SRSF3: variants seen among roughly 807,000 people sequenced by gnomAD.
SRSF3 encodes serine/arginine-rich splicing factor 3.
For synonymous variants in SRSF3, 87 were observed against 73.6 expected, an observed-to-expected ratio of 1.18 and a Z score of -0.93; for missense variants, 58 against 217.1, an observed-to-expected ratio of 0.27 and a Z score of 4.61.
chr6:36,603,366 T>C lies in SRSF3; in HGVS notation c.*1377T>C, dbSNP rs1278406131. 1 of 224,596 alleles carries C rather than the reference T, an allele frequency of 4.5e-6. No individual in the cohort carries two copies. Among genetic ancestry groups the C allele is most frequent in the Non-Finnish European group, 8.9e-6 (1 of 112,440 alleles). The allele number at this position is 224,596 out of a possible 1,614,324, so 13.9% of individuals were successfully genotyped here. A position where few individuals can be genotyped will look rare whatever the true frequency, so the allele number is the denominator to read the frequency against. On this transcript the variant is annotated 3_prime_UTR_variant, in exon 6 of 6. Transcript: ENST00000373715. Reference sequence around the variant, plus strand: ...TATGGAGGCATGCATAACCTTCCTCTTAGAAAATGGCAGGTGTTGTAATTT... The same window carrying C: ...TATGGAGGCATGCATAACCTTCCTCCTAGAAAATGGCAGGTGTTGTAATTT...
At chr6:36,594,977 T>G (rs1303995361) in intron 1 of SRSF3, among the ~76,000 whole-genome samples, 4 of 152,206 alleles carry the variant, frequency 2.6e-5, no homozygotes, top group African/African-American at 7.2e-5. Flanking sequence ...GAACTTAAGA[T>G]TCGTTCTTTC....
At chr6:36,596,571 T>TGGGG (rs1562011746) in intron 1 of SRSF3, among the ~76,000 whole-genome samples, 190 bp from the exon 2 acceptor site, 4 of 13,782 alleles carry the variant, frequency 2.9e-4, no homozygotes, top group African/African-American at 6.8e-4. Context: ...TGGGGCGGGG[T>TGGGG]GGCGGGGGGG....
chr6:36,601,900 A>G (rs1778722222), intron 5 of SRSF3, 62 bp from the exon 6 acceptor site: 1 of 1,587,932 alleles, frequency 6.3e-7, no homozygotes, highest in South Asian at 1.2e-5. Context: ...TCGATATGTC[A>G]CTAAAGTGTC....
At position 36,602,944 on chromosome 6, in the gene SRSF3, T is replaced by TA. The variant is rs1402914009; in HGVS notation, c.*956dup. On this transcript the variant is annotated 3_prime_UTR_variant, in exon 6 of 6. Coordinates refer to ENST00000373715, the MANE Select transcript of SRSF3 (RefSeq NM_003017.5). ...GTGTATAGTCAGTTGAACCCACTGT[T>TA]ACCATTGTTCTTATCCCATGGGAAG... 4.6e-6 allele frequency: 1 copy of TA among 216,056 alleles called. No individual in the cohort carries two copies. The highest frequency in any genetic ancestry group is 7.0e-5 in the East Asian group (1 of 14,374). 13.4% of individuals were successfully genotyped at this position (216,056 alleles called of 1,614,324 possible). A position where few individuals can be genotyped will look rare whatever the true frequency, so the allele number is the denominator to read the frequency against.
Position 36,603,654 on chromosome 6 carries a change from GAC to G in SRSF3, c.*1668_*1669del, listed in dbSNP as rs1778756938. On this transcript the variant is annotated 3_prime_UTR_variant, in exon 6 of 6. Transcript: ENST00000373715. The stretch of plus-strand genomic sequence containing the variant: ...CTTAAAGTTAAGCATGTTCAAGAAA[GAC>G]ACTTTTCAGACAGCCTGTTTATTTA... 8 of 230,362 alleles carry G rather than the reference GAC, an allele frequency of 3.5e-5. No homozygotes were observed. In the South Asian group the frequency reaches 1.4e-3, roughly 42 times the overall value. 14.3% of individuals were successfully genotyped at this position (230,362 alleles called of 1,614,324 possible).
rs1176438153 is a variant in SRSF3, at chr6:36,604,917, T to G, written c.*2928T>G. 1 of 152,204 alleles carries G rather than the reference T, an allele frequency of 6.6e-6. No homozygotes were observed. The highest frequency in any genetic ancestry group is 1.5e-5 in the Non-Finnish European group (1 of 68,040). 9.4% of individuals were successfully genotyped at this position (152,204 alleles called of 1,614,324 possible). ...TTTTTTTCAGAGTTCTGAATGAGAT[T>G]TAGTTGTCATACCTAGTTGGTGGTA... On this transcript the variant is annotated 3_prime_UTR_variant, in exon 6 of 6. Coordinates refer to ENST00000373715, the MANE Select transcript of SRSF3 (RefSeq NM_003017.5).
chr6:36,595,785 A>T (rs1416455343), intron 1 of SRSF3, among the ~76,000 whole-genome samples: 1 of 152,190 alleles, frequency 6.6e-6, no homozygotes, highest in Admixed American at 6.6e-5. Flanking sequence ...ATGAGTTTAC[A>T]TTTTTTAAAA....
At position 36,601,197 on chromosome 6, in the gene SRSF3, GA is replaced by G. The variant is rs779068804; in HGVS notation, c.380+8del. The G allele has an allele frequency of 6.2e-7, 1 of 1,613,274 alleles. No individual in the cohort carries two copies. The highest frequency in any genetic ancestry group is 8.5e-7 in the Non-Finnish European group (1 of 1,179,810). ...TCTCTCGCAGCCGGAGCAGGTAAAT[GA>G]CTACCTTTTTTGGCTACGTTCTTAG... On this transcript the variant is annotated splice_region_variant and intron_variant, in intron 4 of 5. Transcript: ENST00000373715.
intron 3 of SRSF3, 145 bp from the exon 4 acceptor site, chr6:36,601,001 CTTTTTT>C (rs775227806): frequency 6.5e-4 from 56 of 86,462 alleles, no homozygotes; most frequent in East Asian, 1.7e-3. Flanking sequence ...TCTTTTTTTT[CTTTTTT>C]TTTTTTTTTT....
Position 36,604,948 on chromosome 6 carries a change from T to G in SRSF3, c.*2959T>G, listed in dbSNP as rs1261387218. On this transcript the variant is annotated 3_prime_UTR_variant, in exon 6 of 6. Transcript: ENST00000373715. ...GTCATACCTAGTTGGTGGTAATTTCTTAGTTGTATATTTTTGTACTACCAG... is the reference window on the plus strand; with the variant it reads ...GTCATACCTAGTTGGTGGTAATTTCGTAGTTGTATATTTTTGTACTACCAG... 1.3e-5 allele frequency: 2 copies of G among 152,240 alleles called. No individual in the cohort carries two copies. The highest frequency in any genetic ancestry group is 2.4e-5 in the African/African-American group (1 of 41,460). The allele number at this position is 152,240 out of a possible 1,614,324, so 9.4% of individuals were successfully genotyped here. A position where few individuals can be genotyped will look rare whatever the true frequency, so the allele number is the denominator to read the frequency against.
chr6:36,595,239 A>T (rs1778606568), intron 1 of SRSF3, among the ~76,000 whole-genome samples: 1 of 152,222 alleles, frequency 6.6e-6, no homozygotes, highest in Non-Finnish European at 1.5e-5. Context: ...AGTTTATCAG[A>T]TTCATCGTCG....
At chr6:36,596,352 T>C (rs896086186) in intron 1 of SRSF3, among the ~76,000 whole-genome samples, 1 of 152,140 alleles carries the variant, frequency 6.6e-6, no homozygotes, top group African/African-American at 2.4e-5. Context: ...TCTTCATCAT[T>C]GTTTTATTTA....
chr6:36,596,744 G>A lies in SRSF3; in HGVS notation c.-2-17G>A. ...GATGTTTAGATGAATGAATATTTTT[G>A]GTATTTTTCATTACAGAAATGCATC... On this transcript the variant is annotated splice_polypyrimidine_tract_variant and intron_variant, in intron 1 of 5. Transcript: ENST00000373715. 2 of 1,601,928 alleles carry A rather than the reference G, an allele frequency of 1.2e-6. No individual in the cohort carries two copies. Among genetic ancestry groups the A allele is most frequent in the South Asian group, 2.2e-5 (2 of 90,802 alleles).
At chr6:36,598,571 C>T (rs1025069776) in intron 2 of SRSF3, 3 of 296,928 alleles carry the variant, frequency 1.0e-5, no homozygotes, top group East Asian at 7.2e-5. Context: ...TTTAGTAGAG[C>T]GAGGGTTTCA....
intron 3 of SRSF3, chr6:36,599,326 A>C (rs1778681564): frequency 4.4e-6 from 1 of 226,306 alleles, no homozygotes; most frequent in Admixed American, 5.1e-5. Flanking sequence ...CTAGCTCTTC[A>C]CAAATTTGTG....
At position 36,605,554 on chromosome 6, in the gene SRSF3, T is replaced by C. The variant is rs546537542; in HGVS notation, c.*3565T>C. ...TTGATTAGTTTTGTCCATGCAACTT[T>C]CCCCTTGTTGGACTCTGTACTTAAT... is the stretch of plus-strand genomic sequence containing the variant. On this transcript the variant is annotated 3_prime_UTR_variant, in exon 6 of 6. Coordinates refer to ENST00000373715, the MANE Select transcript of SRSF3 (RefSeq NM_003017.5). 6.6e-6 allele frequency: 1 copy of C among 152,204 alleles called. No homozygotes were observed. Among genetic ancestry groups the C allele is most frequent in the Non-Finnish European group, 1.5e-5 (1 of 68,032 alleles). 9.4% of individuals were successfully genotyped at this position (152,204 alleles called of 1,614,324 possible).
intron 5 of SRSF3, 60 bp from the exon 6 acceptor site, chr6:36,601,902 T>A: frequency 6.3e-7 from 1 of 1,588,368 alleles, no homozygotes; most frequent in South Asian, 1.2e-5. Context: ...GATATGTCAC[T>A]AAAGTGTCAC....
In SRSF3 at chr6:36,599,088, C is replaced by G. The variant is rs918558882; in HGVS notation, c.341+105C>G. On this transcript the variant is annotated intron_variant, in intron 3 of 5. Coordinates refer to ENST00000373715, the MANE Select transcript of SRSF3 (RefSeq NM_003017.5). Reference sequence around the variant, plus strand: ...GGTGGGTTTTAAACTTTGGAAGAATCGGAGGTTTCTGTGAAACATTTGTTG... The same window carrying G: ...GGTGGGTTTTAAACTTTGGAAGAATGGGAGGTTTCTGTGAAACATTTGTTG... The G allele has an allele frequency of 7.9e-6, 11 of 1,397,266 alleles. No homozygotes were observed. In the East Asian group the frequency reaches 2.3e-4, roughly 30 times the overall value. 86.6% of individuals were successfully genotyped at this position (1,397,266 alleles called of 1,614,324 possible). A position where few individuals can be genotyped will look rare whatever the true frequency, so the allele number is the denominator to read the frequency against.
chr6:36,600,021 C>T, intron 3 of SRSF3: 3 of 1,248,320 alleles, frequency 2.4e-6, no homozygotes, highest in Non-Finnish European at 2.1e-6. Flanking sequence ...CCAACCTTAA[C>T]CAAATCGGCA....
Sources: gnomAD v4.1 joint callset for allele counts (sites outside exome capture counted in the v4.1 genomes callset) on GRCh38, gnomAD v4.1.1 for gene constraint, MANE v1.5 for transcripts, NCBI Gene and HGNC (gene_info 2026-07-23, HGNC 2026-07-21) for gene names.